MTHFD2L: variants seen among roughly 807,000 people sequenced by gnomAD.
MTHFD2L encodes bifunctional methylenetetrahydrofolate dehydrogenase/cyclohydrolase 2, mitochondrial.
MTHFD2L carries 29 observed loss-of-function variants against 34.9 expected under a neutral mutation model. The ratio of observed to expected loss-of-function variants is 0.83; its 90% confidence interval spans 0.62 to 1.13. The LOEUF is 1.13. Ranked by LOEUF, MTHFD2L falls within the 50% of genes most tolerant of loss-of-function variation. The pLI is 0.00. For synonymous variants in MTHFD2L, 167 were observed against 155.7 expected (o/e 1.07, Z -0.54); for missense variants, 481 against 446.5 (o/e 1.08, Z -0.70).
intron 1 of MTHFD2L, among the ~76,000 whole-genome samples, chr4:74,168,975 C>T (rs768119510): frequency 3.3e-5 from 5 of 152,214 alleles, no homozygotes; most frequent in South Asian, 2.1e-4. Context: ...GGCACTCTCT[C>T]ATTGGACCTG....
chr4:74,132,261 A>G (rs1191456950), intron 1 of MTHFD2L, among the ~76,000 whole-genome samples: 1 of 152,242 alleles, frequency 6.6e-6, no homozygotes, highest in Non-Finnish European at 1.5e-5. Context: ...AGGATTATAA[A>G]TCATTCTACT....
intron 6 of MTHFD2L, among the ~76,000 whole-genome samples, chr4:74,259,200 T>C (rs1744389370): frequency 6.6e-6 from 1 of 152,170 alleles, no homozygotes; most frequent in South Asian, 2.1e-4. Flanking sequence ...CTGCCAGAAC[T>C]TTTTATCTCC....
chr4:74,175,870 T>G (rs1308536850), intron 3 of MTHFD2L, among the ~76,000 whole-genome samples: 1 of 152,246 alleles, frequency 6.6e-6, no homozygotes. Flanking sequence ...AAGTGTATGA[T>G]ATCTTTGCAA....
intron 1 of MTHFD2L, among the ~76,000 whole-genome samples, chr4:74,136,049 T>G (rs918133146): frequency 2.0e-5 from 3 of 152,064 alleles, no homozygotes; most frequent in Admixed American, 6.6e-5. Flanking sequence ...ATTGAAGGCC[T>G]TTCCTCTAAA....
chr4:74,208,606 G>A (rs1735761348), intron 5 of MTHFD2L, among the ~76,000 whole-genome samples: 1 of 152,052 alleles, frequency 6.6e-6, no homozygotes, highest in Non-Finnish European at 1.5e-5. Context: ...AAAAGGGTGA[G>A]AAAAATGGAA....
At chr4:74,226,126 A>G (rs899294300) in intron 6 of MTHFD2L, among the ~76,000 whole-genome samples, 6 of 152,202 alleles carry the variant, frequency 3.9e-5, no homozygotes, top group Non-Finnish European at 5.9e-5. Flanking sequence ...AGATAAAAAC[A>G]TAAGTGGCAT....
chr4:74,236,317 T>A (rs1226668673), intron 6 of MTHFD2L, among the ~76,000 whole-genome samples: 1 of 152,234 alleles, frequency 6.6e-6, no homozygotes, highest in Non-Finnish European at 1.5e-5. Context: ...AATAAATTGT[T>A]TTCTCAATTC....
intron 5 of MTHFD2L, among the ~76,000 whole-genome samples, chr4:74,208,714 A>G (rs1382016903): frequency 6.6e-6 from 1 of 152,200 alleles, no homozygotes; most frequent in African/African-American, 2.4e-5. Flanking sequence ...ACCCAGGAAC[A>G]GGAAAGGCCA....
At chr4:74,203,415 T>A (rs2110063105) in intron 5 of MTHFD2L, among the ~76,000 whole-genome samples, 1 of 152,336 alleles carries the variant, frequency 6.6e-6, no homozygotes, top group Non-Finnish European at 1.5e-5. Flanking sequence ...CAAGGTGTAT[T>A]AGTCTGTTCT....
At chr4:74,193,312 A>C (rs566948020) in intron 3 of MTHFD2L, among the ~76,000 whole-genome samples, 15 of 152,108 alleles carry the variant, frequency 9.9e-5, no homozygotes, top group African/African-American at 3.4e-4. Flanking sequence ...CCATTGATCT[A>C]TTTGTCTGTT....
intron 1 of MTHFD2L, among the ~76,000 whole-genome samples, chr4:74,169,218 C>A (rs1727388716): frequency 6.6e-6 from 1 of 152,192 alleles, no homozygotes; most frequent in South Asian, 2.1e-4. Context: ...TTAAAGTAAA[C>A]CCTGAACAGT....
At chr4:74,176,123 G>A (rs934305099) in intron 3 of MTHFD2L, among the ~76,000 whole-genome samples, 2 of 151,952 alleles carry the variant, frequency 1.3e-5, no homozygotes, top group African/African-American at 4.8e-5. Context: ...CATCTGAGAT[G>A]TTGTTGTCTT....
At chr4:74,174,467 T>C (rs766919631) in intron 1 of MTHFD2L, 39 bp from the exon 2 acceptor site, 1 of 1,340,464 alleles carries the variant, frequency 7.5e-7, no homozygotes, top group East Asian at 2.8e-5. Context: ...TGAGTGTTTC[T>C]TATTTTCTTT....
At chr4:74,242,790 A>G (rs1035632144) in intron 6 of MTHFD2L, among the ~76,000 whole-genome samples, 1 of 152,222 alleles carries the variant, frequency 6.6e-6, no homozygotes, top group Non-Finnish European at 1.5e-5. Context: ...TCAGGAATTT[A>G]TAGTTATGTT....
chr4:74,148,578 G>A lies in MTHFD2L; in HGVS notation c.-296-11477G>A, dbSNP rs983586509. On this transcript the variant is annotated intron_variant, in intron 1 of 7. Coordinates refer to the MTHFD2L transcript ENST00000433372. ...AATTTTTGTATTTTTTGTAGAGATA[G>A]GGTTTGAAATTCTTGGGCTCAAGCG... Among the ~76,000 whole-genome samples the A allele has an allele frequency of 5.3e-5, 8 of 151,878 alleles. No homozygotes were observed. In the South Asian group the frequency reaches 6.2e-4, roughly 12 times the overall value.
chr4:74,148,996 A>G (rs915495796), intron 1 of MTHFD2L, among the ~76,000 whole-genome samples: 3 of 151,732 alleles, frequency 2.0e-5, no homozygotes, highest in African/African-American at 7.3e-5. Flanking sequence ...AGAAGGGGAA[A>G]CCCAGTGTAT....
intron 6 of MTHFD2L, among the ~76,000 whole-genome samples, chr4:74,228,020 G>T (rs1049367121): frequency 1.3e-5 from 2 of 152,082 alleles, no homozygotes; most frequent in African/African-American, 4.8e-5. Context: ...ACAGTAGTTG[G>T]CTCCTCATAG....
At chr4:74,210,666 G>A (rs1736152211) in intron 5 of MTHFD2L, among the ~76,000 whole-genome samples, 1 of 152,076 alleles carries the variant, frequency 6.6e-6, no homozygotes, top group Admixed American at 6.5e-5. Context: ...GATTGTCTTG[G>A]CTATACGGGC....
At chr4:74,165,535 T>A (rs992297886) in intron 1 of MTHFD2L, among the ~76,000 whole-genome samples, 28 of 152,134 alleles carry the variant, frequency 1.8e-4, no homozygotes, top group Admixed American at 1.3e-4. Context: ...TTTTTCTATT[T>A]TTAGTAGAGA....
Sources: allele counts gnomAD v4.1 joint callset (sites outside exome capture counted in the v4.1 genomes callset), GRCh38; gene constraint gnomAD v4.1.1; transcripts MANE v1.5; gene names NCBI Gene and HGNC (gene_info 2026-07-23, HGNC 2026-07-21).